The following GLRA3 variants were observed in gnomAD, a reference collection of about 807,000 sequenced individuals.
The protein encoded by GLRA3 is glycine receptor alpha 3.
GLRA3 carries 44 observed loss-of-function variants against 60.4 expected under a neutral mutation model. The observed-to-expected ratio is 0.73, with a 90% CI of 0.57 to 0.94. The LOEUF is 0.94. Among genes scored for constraint, GLRA3 ranks in the 40% least tolerant of loss-of-function variants. GLRA3 has a pLI of 0.00. For synonymous variants in GLRA3, 223 were observed against 192.9 expected, an observed-to-expected ratio of 1.16 and a Z score of -1.29; for missense variants, 508 against 564.6, an observed-to-expected ratio of 0.90 and a Z score of 1.02.
At chr4:174,758,972 T>G (rs1737837311) in intron 3 of GLRA3, among the ~76,000 whole-genome samples, 1 of 152,126 alleles carries the variant, frequency 6.6e-6, no homozygotes, top group African/African-American at 2.4e-5. Flanking sequence ...GTTTGTTTTG[T>G]ATTTAATGCT....
chr4:174,766,522 A>G (rs150310666), intron 3 of GLRA3, among the ~76,000 whole-genome samples: 5 of 152,130 alleles, frequency 3.3e-5, no homozygotes, highest in Admixed American at 1.3e-4. Flanking sequence ...GATAAAATCT[A>G]TAAGTATAAT....
chr4:174,659,386 G>A (rs1192112398), intron 7 of GLRA3, among the ~76,000 whole-genome samples, 189 bp from the exon 8 acceptor site: 2 of 151,926 alleles, frequency 1.3e-5, no homozygotes, highest in South Asian at 2.1e-4. Context: ...TGAGCATTTT[G>A]TTAATTTTTT....
chr4:174,814,098 G>A (rs1740383278), intron 1 of GLRA3, among the ~76,000 whole-genome samples: 1 of 152,214 alleles, frequency 6.6e-6, no homozygotes, highest in Non-Finnish European at 1.5e-5. Context: ...CAAAGAGCAT[G>A]TATTACAGTG....
chr4:174,774,661 A>G (rs1184165186), intron 2 of GLRA3, among the ~76,000 whole-genome samples: 2 of 152,198 alleles, frequency 1.3e-5, no homozygotes, highest in African/African-American at 4.8e-5. Context: ...TTTAAATGTC[A>G]ACATCATGAC....
chr4:174,697,255 G>A (rs1178792190), intron 5 of GLRA3, among the ~76,000 whole-genome samples: 1 of 152,130 alleles, frequency 6.6e-6, no homozygotes, highest in Non-Finnish European at 1.5e-5. Context: ...ATCATATTTG[G>A]TCCAGCTATC....
At chr4:174,722,183 T>C (rs1212192528) in intron 4 of GLRA3, among the ~76,000 whole-genome samples, 1 of 152,150 alleles carries the variant, frequency 6.6e-6, no homozygotes, top group Non-Finnish European at 1.5e-5. Flanking sequence ...ATTTTGTTGG[T>C]ATGATGCCTC....
chr4:174,792,296 C>T (rs896526765), intron 1 of GLRA3, among the ~76,000 whole-genome samples: 8 of 151,768 alleles, frequency 5.3e-5, no homozygotes, highest in South Asian at 2.1e-4. Flanking sequence ...TGGTTTCCTC[C>T]GAGGCCCTCC....
intron 5 of GLRA3, among the ~76,000 whole-genome samples, chr4:174,698,532 T>A (rs945895714): frequency 2.0e-5 from 3 of 152,144 alleles, no homozygotes; most frequent in Non-Finnish European, 2.9e-5. Context: ...TACCACTATT[T>A]ATTTGTAAGA....
Position 174,704,477 on chromosome 4 carries a change from T to C in GLRA3, c.574+11011A>G, listed in dbSNP as rs1467873472. On this transcript the variant is annotated intron_variant, in intron 5 of 9. Coordinates refer to ENST00000274093, the MANE Select transcript of GLRA3 (RefSeq NM_006529.4). ...AGTGTTGGCAAGGGTGTAAAGAAATTGGAACTCTAGTGTACTGCTGGTGGA... is the reference window on the plus strand; with the variant it reads ...AGTGTTGGCAAGGGTGTAAAGAAATCGGAACTCTAGTGTACTGCTGGTGGA... 2.1e-5 allele frequency among the ~76,000 whole-genome samples: 3 copies of C among 143,744 alleles called. 1 individual carries two copies. The highest frequency in any genetic ancestry group is 4.6e-5 in the Non-Finnish European group (3 of 64,712). The allele number at this position is 143,744 out of a possible 152,430, so 94.3% of individuals were successfully genotyped here. A position where few individuals can be genotyped will look rare whatever the true frequency, so the allele number is the denominator to read the frequency against.
chr4:174,719,277 T>C (rs1421242805), intron 4 of GLRA3, among the ~76,000 whole-genome samples: 1 of 152,118 alleles, frequency 6.6e-6, no homozygotes, highest in Non-Finnish European at 1.5e-5. Context: ...GCTTTTAACC[T>C]TTAAGTATAC....
chr4:174,822,885 C>T (rs575336479), intron 1 of GLRA3, among the ~76,000 whole-genome samples: 1 of 152,290 alleles, frequency 6.6e-6, no homozygotes, highest in African/African-American at 2.4e-5. Flanking sequence ...GTAATACTTC[C>T]TCCTAAAAGC....
chr4:174,784,470 A>T (rs1739035678), intron 2 of GLRA3, among the ~76,000 whole-genome samples: 2 of 121,312 alleles, frequency 1.6e-5, no homozygotes, highest in Non-Finnish European at 3.6e-5. Flanking sequence ...AGTATAATTA[A>T]AAAAAAAATA....
chr4:174,676,504 A>T (rs1267572717), intron 7 of GLRA3, among the ~76,000 whole-genome samples: 1 of 152,138 alleles, frequency 6.6e-6, no homozygotes, highest in Non-Finnish European at 1.5e-5. Context: ...AACATAATAC[A>T]AAATATGTGT....
rs546898525 is a variant in GLRA3, at chr4:174,724,756, C to T, written c.491+3719G>A. Among the ~76,000 whole-genome samples the T allele has an allele frequency of 8.5e-5, 13 of 152,232 alleles. 1 individual carries two copies. In the South Asian group the frequency reaches 1.9e-3, roughly 22 times the overall value. On this transcript the variant is annotated intron_variant, in intron 4 of 9. Coordinates refer to ENST00000274093, the MANE Select transcript of GLRA3 (RefSeq NM_006529.4). ...CCTTTATCCAAGAATGTTTTGATTT[C>T]CCCTTTATTCCCGAAGGATATATTC...
intron 1 of GLRA3, among the ~76,000 whole-genome samples, chr4:174,822,933 A>G (rs1320346669): frequency 6.6e-6 from 1 of 152,198 alleles, no homozygotes; most frequent in East Asian, 1.9e-4. Context: ...TTTCAGAAAT[A>G]CATTATGATG....
At chr4:174,801,102 C>T (rs1431023211) in intron 1 of GLRA3, among the ~76,000 whole-genome samples, 2 of 152,016 alleles carry the variant, frequency 1.3e-5, no homozygotes, top group African/African-American at 4.8e-5. Flanking sequence ...ATATTTTCAA[C>T]TCAGGATATT....
chr4:174,781,842 G>A (rs1212354646), intron 2 of GLRA3, among the ~76,000 whole-genome samples: 3 of 152,088 alleles, frequency 2.0e-5, no homozygotes, highest in Admixed American at 1.3e-4. Flanking sequence ...CAACCAAAAA[G>A]AGTCCAGGAC....
At chr4:174,669,099 C>A (rs1473897188) in intron 7 of GLRA3, among the ~76,000 whole-genome samples, 1 of 151,952 alleles carries the variant, frequency 6.6e-6, no homozygotes, top group East Asian at 1.9e-4. Flanking sequence ...TTTCAGATCT[C>A]ATTGACTATT....
intron 3 of GLRA3, among the ~76,000 whole-genome samples, chr4:174,737,460 T>C (rs1367814569): frequency 1.3e-5 from 2 of 152,196 alleles, no homozygotes; most frequent in Admixed American, 1.3e-4. Flanking sequence ...TAAATATAAT[T>C]ATTCCAATAA....
Sources: gnomAD v4.1 joint callset for allele counts (sites outside exome capture counted in the v4.1 genomes callset) on GRCh38, gnomAD v4.1.1 for gene constraint, MANE v1.5 for transcripts, NCBI Gene and HGNC (gene_info 2026-07-23, HGNC 2026-07-21) for gene names.